Variants in ALKAL1 observed in about 807,000 individuals in gnomAD.
The protein encoded by ALKAL1 is ALK and LTK ligand 1.
In ALKAL1, 23 loss-of-function variants were observed where a neutral mutation model predicts 13.5. The ratio of observed to expected loss-of-function variants is 1.70; its 90% CI spans 1.23 to 2.41. The LOEUF (loss-of-function observed/expected upper bound fraction) is 2.41. Among genes scored for constraint, ALKAL1 ranks in the 30% most tolerant of loss-of-function variants. The pLI, the probability that ALKAL1 is intolerant of heterozygous loss-of-function variation, is 0.00. For missense variants in ALKAL1, 181 were observed against 178.4 expected (o/e 1.01, Z -0.08); for synonymous variants, 85 against 77.7 (o/e 1.09, Z -0.49).
At chr8:52,556,903 G>C (rs1164207298) in intron 1 of ALKAL1, among the ~76,000 whole-genome samples, 1 of 152,120 alleles carries the variant, frequency 6.6e-6, no homozygotes, top group Non-Finnish European at 1.5e-5. Flanking sequence ...CAGTAGTAAT[G>C]AGTAATTCTT....
chr8:52,561,270 G>A (rs1563324111), intron 1 of ALKAL1, among the ~76,000 whole-genome samples: 1 of 152,196 alleles, frequency 6.6e-6, no homozygotes, highest in Non-Finnish European at 1.5e-5. Flanking sequence ...AGCCCCTGCA[G>A]TATTTAAGTA....
At chr8:52,534,950 T>G (rs968554046) in intron 4 of ALKAL1, among the ~76,000 whole-genome samples, 1 of 152,204 alleles carries the variant, frequency 6.6e-6, no homozygotes, top group Admixed American at 6.5e-5. Context: ...ACAGATACTA[T>G]CACAGATAAC....
intron 1 of ALKAL1, among the ~76,000 whole-genome samples, chr8:52,550,388 A>G (rs1847417741): frequency 6.6e-6 from 1 of 152,076 alleles, no homozygotes; most frequent in Admixed American, 6.6e-5. Flanking sequence ...AGTATGTTGG[A>G]TAGACTCCCA....
chr8:52,535,606 G>A (rs965340597), intron 4 of ALKAL1, among the ~76,000 whole-genome samples: 1 of 148,282 alleles, frequency 6.7e-6, no homozygotes, highest in African/African-American at 2.5e-5. Context: ...AAAAAGCTTT[G>A]AGACAGGTAG....
At chr8:52,556,444 G>A (rs899989593) in intron 1 of ALKAL1, among the ~76,000 whole-genome samples, 2 of 151,654 alleles carry the variant, frequency 1.3e-5, no homozygotes, top group African/African-American at 4.8e-5. Context: ...TCAGGAGATC[G>A]AGACCATCCT....
chr8:52,539,990 T>C (rs1244457756), intron 2 of ALKAL1, 79 bp from the exon 3 acceptor site: 15 of 1,246,952 alleles, frequency 1.2e-5, no homozygotes, highest in African/African-American at 8.9e-5. Context: ...TATGGGTGGA[T>C]ATAATACAAC....
chr8:52,538,089 G>GAA (rs74773505), intron 4 of ALKAL1, among the ~76,000 whole-genome samples: 4 of 130,850 alleles, frequency 3.1e-5, no homozygotes, highest in African/African-American at 5.6e-5. Context: ...CTCTGCCTCC[G>GAA]AAAAAAAAAA....
chr8:52,556,605 C>T (rs1847484575), intron 1 of ALKAL1, among the ~76,000 whole-genome samples: 1 of 141,008 alleles, frequency 7.1e-6, no homozygotes, highest in African/African-American at 2.7e-5. Flanking sequence ...CGAGATCGCG[C>T]CACTGCACTC....
chr8:52,555,963 A>G (rs1055634566), intron 1 of ALKAL1, among the ~76,000 whole-genome samples: 1 of 152,112 alleles, frequency 6.6e-6, no homozygotes, highest in Admixed American at 6.5e-5. Flanking sequence ...AATCCCAGGT[A>G]CATTTTAAAA....
chr8:52,554,351 G>A (rs184330998), intron 1 of ALKAL1, among the ~76,000 whole-genome samples: 36 of 152,284 alleles, frequency 2.4e-4, no homozygotes, highest in African/African-American at 6.5e-4. Flanking sequence ...TGGTACTTGC[G>A]GAAAACACAG....
At position 52,539,863 on chromosome 8, in the gene ALKAL1, T is replaced by C. The variant is rs1847296132; in HGVS notation, c.293A>G (p.Tyr98Cys). 3.7e-6 allele frequency: 6 copies of C among 1,612,860 alleles called. No homozygotes were observed. The highest frequency in any genetic ancestry group is 1.1e-5 in the South Asian group (1 of 91,016). Residue 98 changes from tyrosine (Y) to cysteine (C), a missense_variant, in exon 3 of 5, where the codon TAT (tyrosine) becomes TGT (cysteine). By Grantham distance (194) the Tyr-to-Cys change is radical. Coordinates refer to ENST00000358543, the MANE Select transcript of ALKAL1 (RefSeq NM_207413.4). ...PECSKHFHRL[Y>C]YNTRECSTPA... Reference sequence around the variant, plus strand: ...CGTTGAGCACTCCCTGGTATTGTAATAGAGTCGGTGGAAATGTTTGCTGCA... The same window carrying C: ...CGTTGAGCACTCCCTGGTATTGTAACAGAGTCGGTGGAAATGTTTGCTGCA...
chr8:52,540,459 C>G (rs1847302152), intron 2 of ALKAL1, among the ~76,000 whole-genome samples: 2 of 152,138 alleles, frequency 1.3e-5, no homozygotes, highest in South Asian at 4.1e-4. Flanking sequence ...TCCCGGATGG[C>G]TCGTGTCTGT....
At chr8:52,542,345 A>G (rs1471633763) in intron 2 of ALKAL1, 47 bp downstream of exon 2, 2 of 1,239,248 alleles carry the variant, frequency 1.6e-6, no homozygotes, top group African/African-American at 1.5e-5. Context: ...TTCTGCACAC[A>G]GTCTTTTTAT....
chr8:52,557,836 A>T (rs1468775063), intron 1 of ALKAL1, among the ~76,000 whole-genome samples: 1 of 151,484 alleles, frequency 6.6e-6, no homozygotes, highest in African/African-American at 2.4e-5. Flanking sequence ...ACACAAAAAA[A>T]TTACTGGGTG....
chr8:52,563,635 A>C (rs184906380), intron 1 of ALKAL1, among the ~76,000 whole-genome samples: 72 of 152,324 alleles, frequency 4.7e-4, no homozygotes, highest in African/African-American at 1.7e-3. Flanking sequence ...TAAATATTTT[A>C]GGCTAACAAT....
intron 1 of ALKAL1, among the ~76,000 whole-genome samples, chr8:52,559,465 A>G (rs919217397): frequency 1.3e-5 from 2 of 152,178 alleles, no homozygotes; most frequent in Non-Finnish European, 2.9e-5. Flanking sequence ...AGAGATTCCA[A>G]TATGCCACCT....
chr8:52,554,284 T>G (rs746983586), intron 1 of ALKAL1, among the ~76,000 whole-genome samples: 1 of 152,208 alleles, frequency 6.6e-6, no homozygotes, highest in Non-Finnish European at 1.5e-5. Flanking sequence ...TTTCACACCG[T>G]GATAAGATTT....
Position 52,548,521 on chromosome 8 carries a change from G to T in ALKAL1, c.191-6076C>A, listed in dbSNP as rs566873285. On this transcript the variant is annotated intron_variant, in intron 1 of 4. Coordinates refer to ENST00000358543, the MANE Select transcript of ALKAL1 (RefSeq NM_207413.4). ...GGATATTGAATGTTCCCAACACAAA[G>T]AAATGATAATTGTTTGAGATGGATA... Among the ~76,000 whole-genome samples the T allele has an allele frequency of 4.0e-4, 61 of 152,196 alleles. No individual in the cohort carries two copies. The South Asian group carries it at 8.7e-3, about 22-fold the overall frequency.
chr8:52,541,758 GA>G lies in ALKAL1; in HGVS notation c.244+633del, dbSNP rs1847315377. ...GCAACAAGAGCGAAACTCTGTCTCA[GA>G]AAAAAATAATAATAATAAATAAATA... On this transcript the variant is annotated intron_variant, in intron 2 of 4. Transcript: ENST00000358543. Among the ~76,000 whole-genome samples, 5 of 151,952 alleles carry G rather than the reference GA, an allele frequency of 3.3e-5. No homozygotes were observed. The South Asian group carries it at 8.3e-4, about 25-fold the overall frequency.
Sources: allele counts gnomAD v4.1 joint callset (sites outside exome capture counted in the v4.1 genomes callset), GRCh38; gene constraint gnomAD v4.1.1; transcripts MANE v1.5; gene names NCBI Gene and HGNC (gene_info 2026-07-23, HGNC 2026-07-21).